The following SEMA3A variants were observed in gnomAD, a reference collection of about 807,000 sequenced individuals.
SEMA3A encodes semaphorin 3A, also known as semaphorin-3A.
SEMA3A carries 29 observed loss-of-function variants against 97.9 expected under a neutral mutation model. That is an observed-to-expected ratio of 0.30 (90% CI 0.22 to 0.40). SEMA3A has a LOEUF of 0.40. Among genes scored for constraint, SEMA3A ranks in the 10% least tolerant of loss-of-function variants. The pLI, the probability that SEMA3A is intolerant of heterozygous loss-of-function variation, is 1.00. For synonymous variants in SEMA3A, 321 were observed against 323.7 expected (o/e 0.99, Z 0.09); for missense variants, 763 against 951.3 (o/e 0.80, Z 2.60).
intron 1 of SEMA3A, among the ~76,000 whole-genome samples, chr7:84,444,613 G>A (rs1805358575): frequency 6.7e-6 from 1 of 148,834 alleles, no homozygotes; most frequent in Non-Finnish European, 1.5e-5. Context: ...CCAGTCTGGA[G>A]TACAGTGACG....
At chr7:84,413,533 T>C (rs1804339738) in intron 1 of SEMA3A, among the ~76,000 whole-genome samples, 1 of 151,988 alleles carries the variant, frequency 6.6e-6, no homozygotes, top group Non-Finnish European at 1.5e-5. Flanking sequence ...GGGGCTGAAG[T>C]GGGAAGACCA....
At chr7:83,967,471 T>A (rs1788744723) in intron 15 of SEMA3A, among the ~76,000 whole-genome samples, 1 of 152,092 alleles carries the variant, frequency 6.6e-6, no homozygotes, top group Non-Finnish European at 1.5e-5. Flanking sequence ...TACTGTCAAT[T>A]TTGCCGGGCA....
At chr7:84,135,801 T>TA (rs1460475763) in intron 1 of SEMA3A, among the ~76,000 whole-genome samples, 1 of 152,164 alleles carries the variant, frequency 6.6e-6, no homozygotes, top group Non-Finnish European at 1.5e-5. Context: ...TTGGAGCTGA[T>TA]ATATAGAGAG....
At chr7:84,184,731 T>C (rs1368862672) in intron 1 of SEMA3A, among the ~76,000 whole-genome samples, 1 of 152,084 alleles carries the variant, frequency 6.6e-6, no homozygotes, top group African/African-American at 2.4e-5. Context: ...ACTCTGGAGC[T>C]TGAAGAAACA....
At chr7:84,107,662 A>T (rs1795151360) in intron 4 of SEMA3A, among the ~76,000 whole-genome samples, 1 of 152,126 alleles carries the variant, frequency 6.6e-6, no homozygotes, top group Non-Finnish European at 1.5e-5. Flanking sequence ...TGGCTCCAGA[A>T]CCTGTACCTC....
intron 6 of SEMA3A, among the ~76,000 whole-genome samples, chr7:84,042,390 T>C (rs980997956): frequency 1.3e-5 from 2 of 151,976 alleles, no homozygotes; most frequent in Non-Finnish European, 2.9e-5. Context: ...GCATTGTAAT[T>C]AGGTCTGTTT....
At chr7:84,395,046 G>C (rs763977610) in intron 1 of SEMA3A, among the ~76,000 whole-genome samples, 8 of 152,068 alleles carry the variant, frequency 5.3e-5, no homozygotes, top group Non-Finnish European at 8.8e-5. Flanking sequence ...TAAGGGATAA[G>C]ATAGGAGATT....
intron 1 of SEMA3A, among the ~76,000 whole-genome samples, chr7:84,406,327 C>T (rs1228854540): frequency 6.6e-6 from 1 of 152,148 alleles, no homozygotes; most frequent in African/African-American, 2.4e-5. Flanking sequence ...TTGACACATA[C>T]ACCCTCCCAA....
At chr7:84,056,791 C>T (rs886695820) in intron 5 of SEMA3A, among the ~76,000 whole-genome samples, 1 of 152,124 alleles carries the variant, frequency 6.6e-6, no homozygotes, top group Non-Finnish European at 1.5e-5. Context: ...TATATGTCTA[C>T]ATGGTATAAA....
At chr7:83,995,187 C>T (rs143892837) in intron 12 of SEMA3A, among the ~76,000 whole-genome samples, 2,615 of 152,186 alleles carry the variant, frequency 0.017, 68 homozygotes, top group African/African-American at 0.059. Flanking sequence ...GCGCACGGTG[C>T]GCTCACCCAC....
chr7:84,369,247 T>C (rs1033337947), intron 2 of SEMA3A, among the ~76,000 whole-genome samples: 1 of 151,062 alleles, frequency 6.6e-6, no homozygotes, highest in Non-Finnish European at 1.5e-5. Flanking sequence ...TCCTGTGTTC[T>C]GTATGGACTT....
At chr7:84,440,621 C>G (rs1805249085) in intron 1 of SEMA3A, among the ~76,000 whole-genome samples, 1 of 152,050 alleles carries the variant, frequency 6.6e-6, no homozygotes, top group Non-Finnish European at 1.5e-5. Flanking sequence ...TGGAATGCCA[C>G]CATGCATGCC....
intron 2 of SEMA3A, among the ~76,000 whole-genome samples, chr7:84,344,080 C>CA (rs200930839): frequency 6.6e-6 from 1 of 151,650 alleles, no homozygotes; most frequent in African/African-American, 2.4e-5. Context: ...TCTGACTTTA[C>CA]AAAAAATACA....
chr7:84,241,844 A>G (rs1799372056), intron 3 of SEMA3A, among the ~76,000 whole-genome samples: 1 of 152,176 alleles, frequency 6.6e-6, no homozygotes, highest in Non-Finnish European at 1.5e-5. Context: ...TTTTCTGCAT[A>G]GGGCTAGCCA....
At chr7:84,214,923 A>C (rs1798711192) in intron 3 of SEMA3A, among the ~76,000 whole-genome samples, 1 of 149,072 alleles carries the variant, frequency 6.7e-6, no homozygotes, top group East Asian at 2.0e-4. Flanking sequence ...CTGGTCTTGA[A>C]CTCCTGACCT....
chr7:84,122,259 G>A (rs555285577), intron 3 of SEMA3A, among the ~76,000 whole-genome samples: 1 of 152,064 alleles, frequency 6.6e-6, no homozygotes, highest in Admixed American at 6.6e-5. Context: ...ATCAAAAAGT[G>A]GGCGAAGGAT....
In SEMA3A at chr7:84,465,983, T is replaced by A. The variant is rs561464860; in HGVS notation, c.-246+26477A>T. 7.2e-5 allele frequency among the ~76,000 whole-genome samples: 11 copies of A among 152,258 alleles called. No individual in the cohort carries two copies. In the South Asian group the frequency reaches 2.3e-3, roughly 32 times the overall value. On this transcript the variant is annotated intron_variant, in intron 1 of 3. Coordinates refer to the SEMA3A transcript ENST00000424555. ...CTTCACAATTTATCCAGGACACACT[T>A]CATACCTTGACATAGCTGACACCTC...
At chr7:83,975,523 T>G (rs1014781021) in intron 15 of SEMA3A, among the ~76,000 whole-genome samples, 5 of 152,142 alleles carry the variant, frequency 3.3e-5, no homozygotes, top group Non-Finnish European at 7.4e-5. Flanking sequence ...ACAAAAGTAA[T>G]AAGACATGTA....
chr7:84,408,065 C>A (rs557842505), intron 1 of SEMA3A, among the ~76,000 whole-genome samples: 1 of 152,286 alleles, frequency 6.6e-6, no homozygotes, highest in East Asian at 1.9e-4. Flanking sequence ...AACTAAAGAG[C>A]TTCTGCACAG....
Sources: allele counts gnomAD v4.1 joint callset (sites outside exome capture counted in the v4.1 genomes callset), GRCh38; gene constraint gnomAD v4.1.1; transcripts MANE v1.5; gene names NCBI Gene and HGNC (gene_info 2026-07-23, HGNC 2026-07-21).